RIN3: variants seen among roughly 807,000 people sequenced by gnomAD.
RIN3 encodes Ras and Rab interactor 3.
RIN3 carries 54 observed loss-of-function variants against 76.3 expected under a neutral mutation model. The ratio of observed to expected loss-of-function variants is 0.71; its 90% CI spans 0.57 to 0.89. RIN3 has a LOEUF of 0.89. RIN3 is among the 40% of genes least tolerant of loss of function. The pLI, the probability that RIN3 is intolerant of heterozygous loss-of-function variation, is 0.00. For missense variants in RIN3, 1,256 were observed against 1,322.1 expected (o/e 0.95, Z 0.78); for synonymous variants, 576 against 564.0 (o/e 1.02, Z -0.30).
intron 5 of RIN3, among the ~76,000 whole-genome samples, chr14:92,647,289 A>G (rs1887235488): frequency 6.6e-6 from 1 of 152,210 alleles, no homozygotes; most frequent in African/African-American, 2.4e-5. Flanking sequence ...AGTGCAGGCT[A>G]TATAAGGTGT....
intron 2 of RIN3, chr14:92,576,293 C>G (rs1249614873): frequency 1.6e-6 from 2 of 1,289,484 alleles, no homozygotes; most frequent in Non-Finnish European, 2.0e-6. Context: ...TGCTTGCCTT[C>G]GGGACCCTCA....
At chr14:92,566,619 C>T (rs1299872312) in intron 2 of RIN3, among the ~76,000 whole-genome samples, 1 of 152,090 alleles carries the variant, frequency 6.6e-6, no homozygotes, top group Non-Finnish European at 1.5e-5. Context: ...GGACTGGTTC[C>T]TGGGGAGCTA....
intron 1 of RIN3, among the ~76,000 whole-genome samples, chr14:92,536,328 G>C (rs1343542849): frequency 2.0e-5 from 3 of 152,176 alleles, no homozygotes; most frequent in Non-Finnish European, 4.4e-5. Context: ...CCATGGACAA[G>C]ATCTGTCCTT....
intron 2 of RIN3, among the ~76,000 whole-genome samples, chr14:92,560,554 A>G (rs962891868): frequency 6.6e-6 from 1 of 152,078 alleles, no homozygotes; most frequent in Non-Finnish European, 1.5e-5. Context: ...GTGTGTTCCC[A>G]TTTTCAGATG....
chr14:92,587,333 G>A (rs1030276122), intron 3 of RIN3, among the ~76,000 whole-genome samples: 1 of 152,230 alleles, frequency 6.6e-6, no homozygotes, highest in African/African-American at 2.4e-5. Context: ...TAAGGGGCAG[G>A]CCCTGGGGCA....
chr14:92,635,355 T>C (rs1886737669), intron 4 of RIN3, among the ~76,000 whole-genome samples: 1 of 152,150 alleles, frequency 6.6e-6, no homozygotes, highest in Non-Finnish European at 1.5e-5. Flanking sequence ...TTTACTGTCT[T>C]TTATTACGGA....
chr14:92,567,331 T>A (rs772994508), intron 2 of RIN3, among the ~76,000 whole-genome samples: 4 of 152,210 alleles, frequency 2.6e-5, no homozygotes, highest in Non-Finnish European at 5.9e-5. Flanking sequence ...TTATATTTGC[T>A]CACAATTCTA....
chr14:92,566,328 A>C (rs1419488125), intron 2 of RIN3, among the ~76,000 whole-genome samples: 1 of 152,174 alleles, frequency 6.6e-6, no homozygotes, highest in Non-Finnish European at 1.5e-5. Context: ...CATGGTTGCA[A>C]AATGGCAGCT....
chr14:92,629,695 GC>G (rs1191020640), intron 4 of RIN3, among the ~76,000 whole-genome samples: 1 of 152,210 alleles, frequency 6.6e-6, no homozygotes, highest in African/African-American at 2.4e-5. Flanking sequence ...TGTGCTAAGG[GC>G]TTTTATAGCC....
intron 7 of RIN3, among the ~76,000 whole-genome samples, chr14:92,668,766 A>G (rs1019999609): frequency 2.0e-5 from 3 of 152,196 alleles, no homozygotes; most frequent in African/African-American, 7.2e-5. Flanking sequence ...GGGGGCCGCC[A>G]TGGGAACAGT....
chr14:92,546,792 G>C (rs1897276939), intron 1 of RIN3, among the ~76,000 whole-genome samples: 2 of 151,896 alleles, frequency 1.3e-5, no homozygotes, highest in Non-Finnish European at 2.9e-5. Context: ...GGGCCTGTTT[G>C]GGGGAATGAG....
At chr14:92,635,158 G>A (rs563566961) in intron 4 of RIN3, among the ~76,000 whole-genome samples, 9 of 152,320 alleles carry the variant, frequency 5.9e-5, no homozygotes, top group African/African-American at 1.2e-4. Flanking sequence ...TGAATAAGCC[G>A]TGCATGGCAG....
chr14:92,620,669 G>A (rs1196491957), intron 4 of RIN3, among the ~76,000 whole-genome samples: 1 of 152,130 alleles, frequency 6.6e-6, no homozygotes, highest in Non-Finnish European at 1.5e-5. Flanking sequence ...AACAGCAAGT[G>A]AATGAAAACT....
intron 4 of RIN3, among the ~76,000 whole-genome samples, chr14:92,626,403 T>C (rs1886356155): frequency 6.6e-6 from 1 of 152,154 alleles, no homozygotes; most frequent in South Asian, 2.1e-4. Context: ...CCCATATGGG[T>C]CATCTAGCAG....
intron 4 of RIN3, among the ~76,000 whole-genome samples, chr14:92,617,498 C>T (rs1886014743): frequency 6.6e-6 from 1 of 152,134 alleles, no homozygotes; most frequent in South Asian, 2.1e-4. Context: ...TTTCTTTCAG[C>T]TCCTGTTATT....
chr14:92,552,520 C>T (rs1458731546), intron 1 of RIN3, among the ~76,000 whole-genome samples: 4 of 152,148 alleles, frequency 2.6e-5, no homozygotes, highest in Admixed American at 2.6e-4. Flanking sequence ...TCCAGATGCT[C>T]ATGGGGCCCT....
intron 3 of RIN3, among the ~76,000 whole-genome samples, chr14:92,587,091 A>G (rs1343681844): frequency 3.3e-5 from 5 of 152,232 alleles, no homozygotes; most frequent in South Asian, 2.1e-4. Flanking sequence ...GACCTTGACA[A>G]CCACCCGAGG....
At chr14:92,622,628 C>G (rs1886222257) in intron 4 of RIN3, among the ~76,000 whole-genome samples, 2 of 152,194 alleles carry the variant, frequency 1.3e-5, no homozygotes, top group African/African-American at 2.4e-5. Context: ...GTGTCTTCCC[C>G]CTGTGGGCTG....
intron 3 of RIN3, among the ~76,000 whole-genome samples, chr14:92,583,773 A>G (rs1434328587): frequency 6.6e-6 from 1 of 152,224 alleles, no homozygotes; most frequent in African/African-American, 2.4e-5. Context: ...ATAGTATTCC[A>G]TGGTGTATAT....
Sources: allele counts gnomAD v4.1 joint callset (sites outside exome capture counted in the v4.1 genomes callset), GRCh38; gene constraint gnomAD v4.1.1; transcripts MANE v1.5; gene names NCBI Gene and HGNC (gene_info 2026-07-23, HGNC 2026-07-21).